The following SLF2 variants were observed in gnomAD, a reference collection of about 807,000 sequenced individuals.
The protein encoded by SLF2 is SMC5-SMC6 complex localization factor protein 2.
SLF2 carries 68 observed loss-of-function variants against 124.3 expected under a neutral mutation model. The ratio of observed to expected loss-of-function variants is 0.55; its 90% CI spans 0.45 to 0.67. The LOEUF (loss-of-function observed/expected upper bound fraction) is 0.67. Ranked by LOEUF, SLF2 falls within the 30% of genes least tolerant of loss-of-function variation. The pLI, the probability that SLF2 is intolerant of heterozygous loss-of-function variation, is 0.00. For missense variants in SLF2, 1,246 were observed against 1,373.7 expected (o/e 0.91, Z 1.47); for synonymous variants, 480 against 478.8 (o/e 1.00, Z -0.03).
In SLF2 at chr10:100,956,660, C is replaced by T. The variant is rs1032183145; in HGVS notation, c.3417+123C>T. The T allele has an allele frequency of 1.3e-5, 9 of 669,302 alleles. No homozygotes were observed. The East Asian group carries it at 2.0e-4, about 15-fold the overall frequency. 41.5% of individuals were successfully genotyped at this position (669,302 alleles called of 1,614,324 possible). A position where few individuals can be genotyped will look rare whatever the true frequency, so the allele number is the denominator to read the frequency against. ...ACATATAAGGCTAGGCATGGTGGCT[C>T]ATGCCTGTAATCCCAATACTTTGGG... On this transcript the variant is annotated intron_variant, in intron 18 of 19. Transcript: ENST00000238961.
Position 100,924,003 on chromosome 10 carries a change from A to C in SLF2, c.1002A>C (p.Glu334Asp). The C allele has an allele frequency of 1.3e-6, 2 of 1,556,322 alleles. No homozygotes were observed. Among genetic ancestry groups the C allele is most frequent in the Non-Finnish European group, 8.6e-7 (1 of 1,158,588 alleles). ...SAGSKQNKFP[E>D]KRKRNSVDSD... ...GCTCTAAGCAGAATAAATTCCCTGA[A>C]AAAAGAAAAAGGAACTCTGTGGACT... is the stretch of plus-strand genomic sequence containing the variant. The change falls in exon 5 of 20, where the codon GAA (glutamate) becomes GAC (aspartate). Residue 334 changes from glutamate to aspartate, a missense_variant. Physicochemically the swap from Glu to Asp is conservative, Grantham distance 45. Coordinates refer to ENST00000238961, the MANE Select transcript of SLF2 (RefSeq NM_018121.4).
intron 4 of SLF2, among the ~76,000 whole-genome samples, chr10:100,921,682 A>G (rs1174583759): frequency 6.6e-6 from 1 of 152,232 alleles, no homozygotes; most frequent in East Asian, 1.9e-4. Context: ...AACCCTGAAT[A>G]ATGCCTGAGC....
At chr10:100,942,426 G>A (rs556420027) in intron 11 of SLF2, among the ~76,000 whole-genome samples, 7 of 152,276 alleles carry the variant, frequency 4.6e-5, no homozygotes, top group African/African-American at 7.2e-5. Context: ...GAAGAGATAC[G>A]TTGCGCAAGG....
In SLF2 at chr10:100,916,956, G is replaced by C. The variant is rs1849427555; in HGVS notation, c.571G>C (p.Gly191Arg). The C allele has an allele frequency of 6.2e-7, 1 of 1,614,152 alleles. No homozygotes were observed. The highest frequency in any genetic ancestry group is 1.1e-5 in the South Asian group (1 of 91,082). ...ENNEKNDRDR[G>R]KTNADSKKQT... Reference sequence around the variant, plus strand: ...TAATGAGAAGAATGATAGAGATCGAGGCAAAACCAATGCAGACTCCAAAAA... The same window carrying C: ...TAATGAGAAGAATGATAGAGATCGACGCAAAACCAATGCAGACTCCAAAAA... The change falls in exon 3 of 20, where the codon GGC becomes CGC. Residue 191 changes from glycine to arginine, a missense_variant. Transcript: ENST00000238961.
At position 100,944,429 on chromosome 10, in the gene SLF2, A is replaced by G. The variant is rs576079001; in HGVS notation, c.2757+301A>G. 2.8e-5 allele frequency among the ~76,000 whole-genome samples: 4 copies of G among 143,822 alleles called. No individual in the cohort carries two copies. In the South Asian group the frequency reaches 9.5e-4, roughly 34 times the overall value. The allele number at this position is 143,822 out of a possible 152,430, so 94.4% of individuals were successfully genotyped here. ...AGAATGGCGTGAACCCAGGAGGCGGAGCTTGCAGTGAGCCGGGATCGTGCC... is the reference window on the plus strand; with the variant it reads ...AGAATGGCGTGAACCCAGGAGGCGGGGCTTGCAGTGAGCCGGGATCGTGCC... On this transcript the variant is annotated intron_variant, in intron 12 of 19. Coordinates refer to ENST00000238961, the MANE Select transcript of SLF2 (RefSeq NM_018121.4).
rs1448408588 is a variant in SLF2 at position 100,924,965 on chromosome 10, A to T, written c.1964A>T (p.Asp655Val). 3 of 1,611,014 alleles carry T rather than the reference A, an allele frequency of 1.9e-6. No individual in the cohort carries two copies. In the Admixed American group the frequency reaches 5.0e-5, roughly 27 times the overall value. ...AAGGGGCTTAGATCTCAGTCATCAG[A>T]CTATACAGTAAGTAGTTCTGTGACG... Reference protein sequence around the residue: ...LSKGLRSQSSDYTGHVHPGTY... With the variant: ...LSKGLRSQSSVYTGHVHPGTY... The change falls in exon 5 of 20, where the codon GAC (aspartate) becomes GTC (valine). Residue 655 changes from aspartate (D) to valine (V), a missense_variant. Transcript: ENST00000238961.
At chr10:100,931,851 G>A (rs1014318124) in intron 9 of SLF2, among the ~76,000 whole-genome samples, 1 of 152,104 alleles carries the variant, frequency 6.6e-6, no homozygotes, top group Admixed American at 6.5e-5. Context: ...AATTAGCCAG[G>A]TGTGGTGGTG....
chr10:100,942,067 C>G lies in SLF2; in HGVS notation c.2655-1959C>G, dbSNP rs566177801. ...AAATGTTTCCTCTACATTTACAACA[C>G]TTCTGGCATCAAATATATAGGTTTT... On this transcript the variant is annotated intron_variant, in intron 11 of 19. Transcript: ENST00000238961. Among the ~76,000 whole-genome samples, 4 of 152,242 alleles carry G rather than the reference C, an allele frequency of 2.6e-5. No homozygotes were observed. The South Asian group carries it at 8.3e-4, about 32-fold the overall frequency.
intron 9 of SLF2, among the ~76,000 whole-genome samples, chr10:100,932,793 A>G (rs1248036075): frequency 6.6e-6 from 1 of 152,000 alleles, no homozygotes; most frequent in Non-Finnish European, 1.5e-5. Flanking sequence ...AACGTAGGGT[A>G]AGGTAGATAC....
intron 9 of SLF2, among the ~76,000 whole-genome samples, chr10:100,932,257 T>A (rs1849751551): frequency 6.7e-6 from 1 of 149,204 alleles, no homozygotes; most frequent in Non-Finnish European, 1.5e-5. Context: ...CACATCTGTT[T>A]AAAAAAAAAA....
Position 100,913,212 on chromosome 10 carries a change from T to A in SLF2, c.102T>A (p.His34Gln). ...ATCTGAGACCCGGTAGTACCGCCCA[T>A]GCTGCAGCGGGAAAGAGAACAGAGA... ...RCHLRPGSTA[H>Q]AAAGKRTESP... is the part of the protein sequence containing the mutation. The change falls in exon 1 of 20, where the codon CAT becomes CAA. Residue 34 changes from histidine (H) to glutamine (Q), a missense_variant. Physicochemically the swap from His to Gln is conservative, Grantham distance 24 (BLOSUM62 0). Transcript: ENST00000238961. The A allele has an allele frequency of 6.2e-7, 1 of 1,611,926 alleles. No individual in the cohort carries two copies. The highest frequency in any genetic ancestry group is 8.5e-7 in the Non-Finnish European group (1 of 1,179,144).
rs376563862 is a variant in SLF2 at position 100,924,612 on chromosome 10, A to G, written c.1611A>G (p.Ser537=). The change falls in exon 5 of 20, where the codon TCA becomes TCG. Residue 537 remains serine, a synonymous_variant. Transcript: ENST00000238961. ...KTNKADSNVS[S]GKISGGPLRS... ...ATAAGGCCGATTCTAATGTATCTTC[A>G]GGGAAAATTTCTGGGGGACCTTTGC... 86 of 1,613,974 alleles carry G rather than the reference A, an allele frequency of 5.3e-5. No homozygotes were observed. The highest frequency in any genetic ancestry group is 7.1e-5 in the Non-Finnish European group (84 of 1,180,038).
At chr10:100,919,302 C>T (rs1172079723) in intron 4 of SLF2, among the ~76,000 whole-genome samples, 1 of 152,052 alleles carries the variant, frequency 6.6e-6, no homozygotes, top group African/African-American at 2.4e-5. Context: ...TGAGCCACTG[C>T]ACCGGGCCCC....
At chr10:100,952,525 C>CAACA (rs1279036998) in intron 17 of SLF2, among the ~76,000 whole-genome samples, 1 of 142,004 alleles carries the variant, frequency 7.0e-6, no homozygotes, top group Non-Finnish European at 1.5e-5. Flanking sequence ...CCAGCCTGGG[C>CAACA]AACAGAGGGA....
intron 9 of SLF2, among the ~76,000 whole-genome samples, chr10:100,934,514 A>C (rs80140716): frequency 0.045 from 6,811 of 152,194 alleles, 246 homozygotes; most frequent in Non-Finnish European, 0.075. Context: ...TTTTTTTTTC[A>C]CATAGATTGT....
intron 15 of SLF2, 104 bp from the exon 16 acceptor site, chr10:100,949,972 T>C (rs1216596104): frequency 2.7e-6 from 3 of 1,123,220 alleles, no homozygotes; most frequent in Non-Finnish European, 3.7e-6. Context: ...AAGAAAGCTA[T>C]AATAAAAGGA....
intron 7 of SLF2, 36 bp from the exon 8 acceptor site, chr10:100,929,794 A>T (rs376597741): frequency 7.4e-5 from 110 of 1,495,056 alleles, no homozygotes; most frequent in Non-Finnish European, 7.4e-5. Context: ...ATGTAGTGTA[A>T]CAATTTGGTA....
intron 11 of SLF2, among the ~76,000 whole-genome samples, chr10:100,940,627 GC>G (rs1333610093): frequency 1.4e-4 from 21 of 152,000 alleles, no homozygotes; most frequent in African/African-American, 5.1e-4. Context: ...TTCCCAAACT[GC>G]TGGGATTACA....
In SLF2 at chr10:100,916,965, A is replaced by G. The variant is rs201989827; in HGVS notation, c.580A>G (p.Asn194Asp). The G allele has an allele frequency of 1.6e-5, 26 of 1,614,096 alleles. No individual in the cohort carries two copies. The Admixed American group carries it at 3.5e-4, about 22-fold the overall frequency. ...EKNDRDRGKTNADSKKQTTVA... is the reference protein window; with the variant it reads ...EKNDRDRGKTDADSKKQTTVA... ...GAATGATAGAGATCGAGGCAAAACC[A>G]ATGCAGACTCCAAAAAGCAGACCAC... The change falls in exon 3 of 20, where the codon AAT becomes GAT. Residue 194 changes from asparagine (N) to aspartate (D), a missense_variant. By Grantham distance (23) the Asn-to-Asp change is conservative (BLOSUM62 1). Transcript: ENST00000238961.
Sources: allele counts gnomAD v4.1 joint callset (sites outside exome capture counted in the v4.1 genomes callset), GRCh38; gene constraint gnomAD v4.1.1; transcripts MANE v1.5; gene names NCBI Gene and HGNC (gene_info 2026-07-23, HGNC 2026-07-21).